Variants in FHIT observed in about 807,000 individuals in gnomAD.
FHIT encodes bis(5'-adenosyl)-triphosphatase.
In FHIT, 19 loss-of-function variants were observed where a neutral mutation model predicts 17.9. The observed-to-expected ratio is 1.06, with a 90% CI of 0.74 to 1.56. The LOEUF is 1.56. Ranked by LOEUF, FHIT falls within the 40% of genes most tolerant of loss-of-function variation. The pLI, the probability that FHIT is intolerant of heterozygous loss-of-function variation, is 0.00. For synonymous variants in FHIT, 81 were observed against 69.7 expected (o/e 1.16, Z -0.81); for missense variants, 248 against 189.2 (o/e 1.31, Z -1.82).
chr3:60,130,233 G>A (rs1699479690), intron 5 of FHIT, among the ~76,000 whole-genome samples: 1 of 152,112 alleles, frequency 6.6e-6, no homozygotes, highest in Non-Finnish European at 1.5e-5. Flanking sequence ...TCTGGCTTTG[G>A]TTTTCTCATC....
At chr3:60,305,177 A>C (rs1051842906) in intron 5 of FHIT, among the ~76,000 whole-genome samples, 6 of 152,094 alleles carry the variant, frequency 3.9e-5, no homozygotes, top group Non-Finnish European at 7.4e-5. Flanking sequence ...AGACAGAAGC[A>C]TGAATATTCT....
intron 5 of FHIT, among the ~76,000 whole-genome samples, chr3:60,023,925 G>C (rs368888186): frequency 6.6e-6 from 1 of 151,542 alleles, no homozygotes; most frequent in African/African-American, 2.4e-5. Flanking sequence ...GTTCTTAAAA[G>C]ACCAGTGAAC....
intron 4 of FHIT, among the ~76,000 whole-genome samples, chr3:60,551,994 T>C (rs78993978): frequency 0.13 from 20,488 of 152,042 alleles, 1,709 homozygotes; most frequent in South Asian, 0.22. Flanking sequence ...TTTCACATTT[T>C]CCTCTAGCCC....
At chr3:60,138,150 C>T (rs748318276) in intron 5 of FHIT, among the ~76,000 whole-genome samples, 10 of 152,146 alleles carry the variant, frequency 6.6e-5, no homozygotes, top group East Asian at 1.9e-4. Flanking sequence ...CATGATTTCA[C>T]GGCTTATGGC....
At chr3:61,037,828 C>T (rs1444825956) in intron 3 of FHIT, among the ~76,000 whole-genome samples, 1 of 152,196 alleles carries the variant, frequency 6.6e-6, no homozygotes, top group East Asian at 1.9e-4. Flanking sequence ...CCTCTAGGAC[C>T]ATGAGACAAA....
chr3:60,601,377 C>A (rs986079910), intron 4 of FHIT, among the ~76,000 whole-genome samples: 5 of 152,114 alleles, frequency 3.3e-5, no homozygotes, highest in Non-Finnish European at 7.3e-5. Context: ...AGGTGAGGCC[C>A]ACAGATTCCC....
At chr3:61,032,793 G>T (rs2033070287) in intron 3 of FHIT, among the ~76,000 whole-genome samples, 1 of 152,200 alleles carries the variant, frequency 6.6e-6, no homozygotes, top group Non-Finnish European at 1.5e-5. Flanking sequence ...GAGATTTATT[G>T]TGAGGGATTG....
At chr3:60,948,476 A>T (rs573672404) in intron 3 of FHIT, among the ~76,000 whole-genome samples, 189 of 152,328 alleles carry the variant, frequency 1.2e-3, no homozygotes, top group African/African-American at 4.4e-3. Flanking sequence ...ATGAAAACTA[A>T]AAATATCCTG....
chr3:60,929,230 C>T (rs1344128663), intron 3 of FHIT, among the ~76,000 whole-genome samples: 3 of 152,164 alleles, frequency 2.0e-5, no homozygotes, highest in Non-Finnish European at 2.9e-5. Flanking sequence ...TAAGAGCTAT[C>T]TATGACAAAC....
At chr3:60,544,071 T>A (rs548882422) in intron 4 of FHIT, among the ~76,000 whole-genome samples, 1 of 151,910 alleles carries the variant, frequency 6.6e-6, no homozygotes, top group East Asian at 1.9e-4. Context: ...TCTTTGTTTT[T>A]ATATATATGA....
intron 2 of FHIT, among the ~76,000 whole-genome samples, chr3:61,126,216 G>A (rs2036601597): frequency 1.3e-5 from 2 of 151,836 alleles, no homozygotes; most frequent in Non-Finnish European, 2.9e-5. Flanking sequence ...ATCCTAGGCA[G>A]CAGGGCCCAA....
At chr3:61,046,745 A>G (rs2033807678) in intron 2 of FHIT, among the ~76,000 whole-genome samples, 1 of 152,222 alleles carries the variant, frequency 6.6e-6, no homozygotes, top group African/African-American at 2.4e-5. Context: ...AATCCTTCAT[A>G]AAATACTGGC....
intron 3 of FHIT, among the ~76,000 whole-genome samples, chr3:60,997,312 G>A (rs781141590): frequency 1.4e-4 from 21 of 152,086 alleles, no homozygotes; most frequent in Non-Finnish European, 2.6e-4. Context: ...ACAGAGAAAG[G>A]TAAAGTGCTG....
At chr3:60,395,277 T>C (rs1701391012) in intron 5 of FHIT, among the ~76,000 whole-genome samples, 1 of 152,156 alleles carries the variant, frequency 6.6e-6, no homozygotes, top group Non-Finnish European at 1.5e-5. Context: ...CTGGACACTT[T>C]CTATGTTCTA....
intron 4 of FHIT, among the ~76,000 whole-genome samples, chr3:60,635,752 C>T (rs2039567811): frequency 6.6e-6 from 1 of 152,100 alleles, no homozygotes; most frequent in Non-Finnish European, 1.5e-5. Flanking sequence ...TACTCATGAC[C>T]TTTATATAAT....
intron 2 of FHIT, among the ~76,000 whole-genome samples, chr3:61,088,044 T>A (rs2035359312): frequency 6.6e-6 from 1 of 152,112 alleles, no homozygotes; most frequent in Admixed American, 6.6e-5. Flanking sequence ...AACTACTTTT[T>A]GCTTTCAATT....
At chr3:60,744,184 C>A (rs536029400) in intron 4 of FHIT, among the ~76,000 whole-genome samples, 3 of 143,224 alleles carry the variant, frequency 2.1e-5, no homozygotes, top group East Asian at 2.1e-4. Flanking sequence ...AGTCTACTGA[C>A]GAAAAACGCG....
At chr3:60,898,980 G>A (rs1043383787) in intron 3 of FHIT, among the ~76,000 whole-genome samples, 4 of 152,114 alleles carry the variant, frequency 2.6e-5, no homozygotes, top group African/African-American at 4.8e-5. Context: ...TAGTCTAATG[G>A]CCTACACTTC....
chr3:60,778,531 G>T (rs1700278729), intron 4 of FHIT, among the ~76,000 whole-genome samples: 1 of 152,162 alleles, frequency 6.6e-6, no homozygotes, highest in South Asian at 2.1e-4. Context: ...TTGGAATATT[G>T]CTAATCCATG....
Sources: gnomAD v4.1 joint callset for allele counts (sites outside exome capture counted in the v4.1 genomes callset) on GRCh38, gnomAD v4.1.1 for gene constraint, MANE v1.5 for transcripts, NCBI Gene and HGNC (gene_info 2026-07-23, HGNC 2026-07-21) for gene names.